Variants in NELL1 observed in about 807,000 individuals in gnomAD.
The protein encoded by NELL1 is neural EGFL like 1.
A neutral mutation model predicts 107.4 loss-of-function variants in NELL1; 76 were observed. The ratio of observed to expected loss-of-function variants is 0.71; its 90% CI spans 0.59 to 0.86. The LOEUF (loss-of-function observed/expected upper bound fraction) is 0.86, where lower values mean the gene tolerates loss of function less well. NELL1 is among the 40% of genes least tolerant of loss of function. The probability of loss-of-function intolerance (pLI) is 0.00; values close to 1 mark genes in which losing one functional copy is unlikely to be tolerated. For synonymous variants in NELL1, 353 were observed against 341.2 expected (o/e 1.03, Z -0.38); for missense variants, 1,024 against 1,005.5 (o/e 1.02, Z -0.25).
intron 15 of NELL1, among the ~76,000 whole-genome samples, chr11:21,472,842 CCCTTCCTCTTCTTT>C (rs1214501395): frequency 6.6e-6 from 1 of 151,878 alleles, no homozygotes; most frequent in Non-Finnish European, 1.5e-5. Flanking sequence ...CCCTTTCCTT[CCCTTCCTCTTCTTT>C]CCTTCCTTCT....
chr11:21,462,503 G>A (rs1483200644), intron 15 of NELL1, among the ~76,000 whole-genome samples: 1 of 152,078 alleles, frequency 6.6e-6, no homozygotes, highest in African/African-American at 2.4e-5. Flanking sequence ...CTATTGGGAG[G>A]TGGGAACCAT....
chr11:21,004,370 T>C (rs987390239), intron 12 of NELL1, among the ~76,000 whole-genome samples: 2 of 152,130 alleles, frequency 1.3e-5, no homozygotes, highest in Admixed American at 1.3e-4. Context: ...ATATTTTAAA[T>C]TATAAAGTAT....
chr11:20,864,078 G>C (rs1849048370), intron 4 of NELL1, among the ~76,000 whole-genome samples: 1 of 151,134 alleles, frequency 6.6e-6, no homozygotes, highest in Admixed American at 6.6e-5. Flanking sequence ...GCCTCGGCTG[G>C]GCATCAGAGG....
chr11:21,368,587 C>T (rs1362325391), intron 14 of NELL1, among the ~76,000 whole-genome samples: 1 of 151,908 alleles, frequency 6.6e-6, no homozygotes, highest in African/African-American at 2.4e-5. Flanking sequence ...TCCAGTTCAC[C>T]ATTTCTGTAA....
intron 4 of NELL1, 50 bp from the exon 5 acceptor site, chr11:20,885,394 G>T: frequency 8.5e-7 from 1 of 1,180,658 alleles, no homozygotes; most frequent in South Asian, 1.2e-5. Flanking sequence ...TGCACCTTTT[G>T]GTTCTGCTTT....
Position 21,342,411 on chromosome 11 carries a change from T to TCG in NELL1, c.1550-28442_1550-28441insCG, listed in dbSNP as rs1555007303. On this transcript the variant is annotated intron_variant, in intron 14 of 19. Coordinates refer to ENST00000357134, the MANE Select transcript of NELL1 (RefSeq NM_006157.5). ...ATCCCAGTGCTTTGAGAGGCTTAAGTGGGGGGGGGGGTCACTTGAGGCCAG... is the reference window on the plus strand; with the variant it reads ...ATCCCAGTGCTTTGAGAGGCTTAAGTCGGGGGGGGGGGGTCACTTGAGGCCAG... 4.2e-4 allele frequency among the ~76,000 whole-genome samples: 31 copies of TCG among 74,110 alleles called. 1 individual carries two copies. The highest frequency in any genetic ancestry group is 1.5e-3 in the African/African-American group (30 of 20,044). 48.6% of individuals were successfully genotyped at this position (74,110 alleles called of 152,430 possible).
At chr11:20,709,539 A>G (rs1855059915) in intron 2 of NELL1, among the ~76,000 whole-genome samples, 1 of 152,124 alleles carries the variant, frequency 6.6e-6, no homozygotes, top group Non-Finnish European at 1.5e-5. Context: ...TCTTGGTTCC[A>G]TAGGAATTTT....
intron 3 of NELL1, among the ~76,000 whole-genome samples, chr11:20,787,477 C>A (rs139405100): frequency 0.018 from 2,709 of 152,274 alleles, 28 homozygotes; most frequent in South Asian, 0.033. Flanking sequence ...TCTAGAGGAG[C>A]AAATTATCCT....
intron 5 of NELL1, among the ~76,000 whole-genome samples, chr11:20,886,483 G>T (rs952714893): frequency 3.9e-5 from 6 of 151,968 alleles, no homozygotes; most frequent in Non-Finnish European, 8.8e-5. Flanking sequence ...TTAAAATTCA[G>T]CATTGTACTT....
At chr11:21,531,035 T>A (rs7109470) in intron 15 of NELL1, among the ~76,000 whole-genome samples, 129,770 of 152,098 alleles carry the variant, frequency 0.85, 56,765 homozygotes, top group Non-Finnish European at 0.95. Context: ...TGATAGACAC[T>A]AAAAGGAAAT....
chr11:20,984,514 A>G (rs1042066962), intron 12 of NELL1, among the ~76,000 whole-genome samples: 14 of 152,226 alleles, frequency 9.2e-5, no homozygotes, highest in African/African-American at 3.1e-4. Context: ...GATGTAATTC[A>G]TTCCCTTTCT....
chr11:21,379,026 A>G (rs1388962696), intron 15 of NELL1, among the ~76,000 whole-genome samples: 1 of 152,026 alleles, frequency 6.6e-6, no homozygotes, highest in Non-Finnish European at 1.5e-5. Context: ...ATTTGCACTG[A>G]AATGCTTTCT....
intron 15 of NELL1, among the ~76,000 whole-genome samples, chr11:21,478,005 A>G (rs1168674933): frequency 6.6e-6 from 1 of 152,012 alleles, no homozygotes; most frequent in Non-Finnish European, 1.5e-5. Flanking sequence ...ACACTGCTAT[A>G]AAGATACTAC....
chr11:21,175,321 T>A (rs79049238), intron 13 of NELL1, among the ~76,000 whole-genome samples: 2,731 of 151,862 alleles, frequency 0.018, 135 homozygotes, highest in African/African-American at 0.062. Context: ...CAATTTCATG[T>A]TTGCTCTCTC....
Position 21,277,871 on chromosome 11 carries a change from T to C in NELL1, c.1549+48417T>C, listed in dbSNP as rs372448638. On this transcript the variant is annotated intron_variant, in intron 14 of 19. Transcript: ENST00000357134. ...CAATGAGAACACACGGACACAGGAA[T>C]AGGAACATCACACACCGGGGCCTGT... Among the ~76,000 whole-genome samples the C allele has an allele frequency of 1.3e-4, 20 of 151,770 alleles. No homozygotes were observed. In the South Asian group the frequency reaches 4.2e-3, roughly 32 times the overall value.
At chr11:20,970,087 CCA>C (rs1491117264) in intron 12 of NELL1, among the ~76,000 whole-genome samples, 3 of 149,268 alleles carry the variant, frequency 2.0e-5, no homozygotes, top group Non-Finnish European at 3.0e-5. Flanking sequence ...ATCCATCCAT[CCA>C]TCCATCCGTA....
intron 12 of NELL1, among the ~76,000 whole-genome samples, chr11:21,095,284 C>A (rs1854614489): frequency 6.6e-6 from 1 of 152,212 alleles, no homozygotes; most frequent in Non-Finnish European, 1.5e-5. Flanking sequence ...ATATCGCTAT[C>A]AGGCTTTTCA....
chr11:21,214,216 G>A (rs1337524497), intron 13 of NELL1, among the ~76,000 whole-genome samples: 3 of 152,154 alleles, frequency 2.0e-5, no homozygotes, highest in Middle Eastern at 3.4e-3. Context: ...TTTGAAATCC[G>A]AAATGCTCCA....
At chr11:21,411,599 T>C (rs1445959059) in intron 15 of NELL1, among the ~76,000 whole-genome samples, 1 of 152,086 alleles carries the variant, frequency 6.6e-6, no homozygotes, top group Non-Finnish European at 1.5e-5. Flanking sequence ...AGGTAAAATC[T>C]AAGAGGTTGC....
Sources: gnomAD v4.1 joint callset for allele counts (sites outside exome capture counted in the v4.1 genomes callset) on GRCh38, gnomAD v4.1.1 for gene constraint, MANE v1.5 for transcripts, NCBI Gene and HGNC (gene_info 2026-07-23, HGNC 2026-07-21) for gene names.